WDR27: variants seen among roughly 807,000 people sequenced by gnomAD.
WDR27 encodes WD repeat-containing protein 27.
A neutral mutation model predicts 114.4 loss-of-function variants in WDR27; 100 were observed. The observed-to-expected ratio is 0.87, with a 90% CI of 0.74 to 1.03. The LOEUF (loss-of-function observed/expected upper bound fraction) is 1.03. Among genes scored for constraint, WDR27 ranks in the 50% least tolerant of loss-of-function variants. The pLI is 0.00. For synonymous variants in WDR27, 449 were observed against 423.1 expected, an observed-to-expected ratio of 1.06 and a Z score of -0.75; for missense variants, 1,129 against 1,092.9, an observed-to-expected ratio of 1.03 and a Z score of -0.47.
chr6:169,561,228 G>A (rs995794883), intron 25 of WDR27, among the ~76,000 whole-genome samples: 3 of 152,014 alleles, frequency 2.0e-5, no homozygotes, highest in Admixed American at 6.6e-5. Flanking sequence ...GGTAGAAAGC[G>A]CCAACAAAGT....
chr6:169,566,523 A>G (rs1057467341), intron 25 of WDR27, among the ~76,000 whole-genome samples: 75 of 152,382 alleles, frequency 4.9e-4, no homozygotes, highest in African/African-American at 1.8e-3. Context: ...GAGAAATGAC[A>G]TAAATATTTT....
chr6:169,533,374 G>T lies in WDR27; in HGVS notation c.2645+39045C>A, dbSNP rs527384166. On this transcript the variant is annotated intron_variant, in intron 25 of 25. Coordinates refer to ENST00000448612, the MANE Select transcript of WDR27 (RefSeq NM_182552.5). ...AAATGAGTCTTATATCCTATGCCCA[G>T]GAGTGACTGGGGACTCCTGAAACTT... is the stretch of plus-strand genomic sequence containing the variant. Among the ~76,000 whole-genome samples the T allele has an allele frequency of 3.3e-5, 5 of 152,244 alleles. No individual in the cohort carries two copies. The South Asian group carries it at 1.0e-3, about 32-fold the overall frequency.
At chr6:169,648,052 C>CT (rs1270538716) in intron 15 of WDR27, among the ~76,000 whole-genome samples, 182 bp from the exon 16 acceptor site, 1 of 152,148 alleles carries the variant, frequency 6.6e-6, no homozygotes, top group Non-Finnish European at 1.5e-5. Context: ...GGAAATAACT[C>CT]TTTTAAATAG....
At chr6:169,535,075 A>G (rs866778087) in intron 25 of WDR27, among the ~76,000 whole-genome samples, 4 of 152,238 alleles carry the variant, frequency 2.6e-5, no homozygotes, top group African/African-American at 7.2e-5. Flanking sequence ...GCACCAATCC[A>G]GGATTCAAGA....
intron 21 of WDR27, among the ~76,000 whole-genome samples, chr6:169,614,344 T>A (rs932888314): frequency 6.6e-6 from 1 of 152,198 alleles, no homozygotes; most frequent in Non-Finnish European, 1.5e-5. Context: ...TCATCCTTCA[T>A]TTGCAAACAG....
chr6:169,477,626 A>T (rs1004739137), intron 25 of WDR27, among the ~76,000 whole-genome samples: 5 of 152,108 alleles, frequency 3.3e-5, no homozygotes, highest in African/African-American at 2.4e-5. Flanking sequence ...TTTAGTACAG[A>T]CATGGTTTCT....
intron 24 of WDR27, among the ~76,000 whole-genome samples, chr6:169,581,557 G>A (rs1156965490): frequency 1.3e-5 from 2 of 152,158 alleles, no homozygotes; most frequent in African/African-American, 2.4e-5. Context: ...TCATCAGGAC[G>A]TATGTCGCAG....
chr6:169,440,328 T>A, the WDR27 span, among the ~76,000 whole-genome samples: 1 of 152,216 alleles, frequency 6.6e-6, no homozygotes, highest in African/African-American at 2.4e-5. Flanking sequence ...ACAGAATTAC[T>A]AAGAAGAGAA....
chr6:169,694,448 A>C (rs1785310644), intron 1 of WDR27, among the ~76,000 whole-genome samples: 2 of 152,258 alleles, frequency 1.3e-5, no homozygotes, highest in Admixed American at 1.3e-4. Flanking sequence ...ATTTATAACA[A>C]GTAAATCATT....
intron 1 of WDR27, among the ~76,000 whole-genome samples, chr6:169,690,903 C>T (rs1321103829): frequency 2.6e-5 from 4 of 152,168 alleles, no homozygotes; most frequent in Non-Finnish European, 5.9e-5. Flanking sequence ...ATGGACCACT[C>T]GAGATCATCT....
chr6:169,597,598 C>T (rs1022347708), intron 23 of WDR27, among the ~76,000 whole-genome samples: 5 of 152,132 alleles, frequency 3.3e-5, no homozygotes, highest in Non-Finnish European at 5.9e-5. Flanking sequence ...AATTCCCACC[C>T]TACTAGCAGG....
intron 21 of WDR27, among the ~76,000 whole-genome samples, chr6:169,631,536 C>A (rs565457420): frequency 6.6e-6 from 1 of 152,154 alleles, no homozygotes; most frequent in South Asian, 2.1e-4. Context: ...AGGTGGAATT[C>A]GCTTCCGCAG....
chr6:169,661,405 A>G (rs9396992), intron 9 of WDR27, among the ~76,000 whole-genome samples: 36,877 of 152,070 alleles, frequency 0.24, 5,237 homozygotes, highest in East Asian at 0.64. Flanking sequence ...TAATACACTG[A>G]GAAGCCATCT....
intron 25 of WDR27, among the ~76,000 whole-genome samples, chr6:169,495,020 C>T (rs1790220089): frequency 6.6e-6 from 1 of 152,004 alleles, no homozygotes; most frequent in Admixed American, 6.5e-5. Flanking sequence ...GTTTAAAATA[C>T]ATAATGTAAT....
the WDR27 span, among the ~76,000 whole-genome samples, chr6:169,427,425 C>T: frequency 6.1e-4 from 81 of 131,962 alleles, no homozygotes; most frequent in African/African-American, 2.0e-3. Flanking sequence ...TCTGACTCAG[C>T]GCCTAGGACC....
chr6:169,670,741 A>G, intron 3 of WDR27, 48 bp from the exon 4 acceptor site: 1 of 1,607,750 alleles, frequency 6.2e-7, no homozygotes, highest in South Asian at 1.1e-5. Flanking sequence ...TGCATTCAGC[A>G]TTACATTAAT....
At chr6:169,435,886 A>G in the WDR27 span, among the ~76,000 whole-genome samples, 2 of 152,244 alleles carry the variant, frequency 1.3e-5, no homozygotes, top group African/African-American at 4.8e-5. Flanking sequence ...GCCCAGGGGC[A>G]GAATGATATG....
chr6:169,488,588 A>C (rs1789266901), intron 25 of WDR27, among the ~76,000 whole-genome samples: 1 of 152,222 alleles, frequency 6.6e-6, no homozygotes, highest in Admixed American at 6.5e-5. Context: ...GCAATCCATT[A>C]CTGAAACCCC....
chr6:169,631,649 G>A (rs1816410300), intron 21 of WDR27, among the ~76,000 whole-genome samples: 1 of 152,122 alleles, frequency 6.6e-6, no homozygotes, highest in Admixed American at 6.5e-5. Context: ...CCGACATGCA[G>A]GGAGACCATC....
Sources: gnomAD v4.1 joint callset for allele counts (sites outside exome capture counted in the v4.1 genomes callset) on GRCh38, gnomAD v4.1.1 for gene constraint, MANE v1.5 for transcripts, NCBI Gene and HGNC (gene_info 2026-07-23, HGNC 2026-07-21) for gene names.